The following HORMAD2 variants were observed in gnomAD, a reference collection of about 807,000 sequenced individuals.
HORMAD2 encodes the protein HORMA domain-containing protein 2.
Under a neutral mutation model 38.8 loss-of-function variants are expected in HORMAD2, and 45 were observed. The ratio of observed to expected loss-of-function variants is 1.16; its 90% CI spans 0.91 to 1.49. The LOEUF (loss-of-function observed/expected upper bound fraction) is 1.49, where lower values mean the gene tolerates loss of function less well. HORMAD2 is among the 40% of genes most tolerant of loss of function. The pLI is 0.00. For synonymous variants in HORMAD2, 126 were observed against 122.8 expected, an observed-to-expected ratio of 1.03 and a Z score of -0.17; for missense variants, 338 against 367.0, an observed-to-expected ratio of 0.92 and a Z score of 0.65.
intron 10 of HORMAD2, among the ~76,000 whole-genome samples, chr22:30,160,953 G>C (rs1421750433): frequency 6.6e-6 from 1 of 152,098 alleles, no homozygotes; most frequent in African/African-American, 2.4e-5. Context: ...TCCTCACTCT[G>C]AACACTCAAC....
At chr22:30,131,209 A>G (rs768487661) in intron 10 of HORMAD2, among the ~76,000 whole-genome samples, 1 of 152,172 alleles carries the variant, frequency 6.6e-6, no homozygotes, top group African/African-American at 2.4e-5. Flanking sequence ...AATTAACCCA[A>G]TCTCCTTAAA....
chr22:30,200,163 C>T, the HORMAD2 span, among the ~76,000 whole-genome samples: 1,070 of 152,074 alleles, frequency 7.0e-3, 16 homozygotes, highest in African/African-American at 0.024. Flanking sequence ...GAGATCCACC[C>T]GCCTAGGCCT....
chr22:30,197,350 A>G, the HORMAD2 span, among the ~76,000 whole-genome samples: 1 of 152,248 alleles, frequency 6.6e-6, no homozygotes, highest in Non-Finnish European at 1.5e-5. Flanking sequence ...CATTTGTGGC[A>G]TAAGGATAGG....
chr22:30,099,924 C>T (rs1338566262), intron 3 of HORMAD2, among the ~76,000 whole-genome samples: 1 of 151,964 alleles, frequency 6.6e-6, no homozygotes, highest in Non-Finnish European at 1.5e-5. Flanking sequence ...AAACAAAAAA[C>T]CCAAGTACCT....
intron 10 of HORMAD2, among the ~76,000 whole-genome samples, chr22:30,148,619 A>C (rs1924564786): frequency 6.6e-6 from 1 of 152,228 alleles, no homozygotes; most frequent in Non-Finnish European, 1.5e-5. Context: ...ATTGTCTCAA[A>C]TTGGAAACAA....
At chr22:30,116,569 A>G (rs1156286737) in intron 7 of HORMAD2, among the ~76,000 whole-genome samples, 1 of 152,178 alleles carries the variant, frequency 6.6e-6, no homozygotes, top group African/African-American at 2.4e-5. Flanking sequence ...GAGCAGTTCA[A>G]TGGTTCATCT....
chr22:30,181,202 C>G (rs145363735), downstream of HORMAD2, among the ~76,000 whole-genome samples: 1 of 151,582 alleles, frequency 6.6e-6, no homozygotes, highest in Admixed American at 6.6e-5. Context: ...TTTGTAGAGA[C>G]GGGGTTTTGC....
At chr22:30,128,734 TG>T (rs1028808359) in intron 10 of HORMAD2, among the ~76,000 whole-genome samples, 7 of 152,082 alleles carry the variant, frequency 4.6e-5, no homozygotes, top group African/African-American at 1.7e-4. Context: ...TTGCCTTGTG[TG>T]GGGGTGAGCT....
intron 10 of HORMAD2, among the ~76,000 whole-genome samples, chr22:30,164,135 C>A (rs532335451): frequency 2.0e-5 from 3 of 152,258 alleles, no homozygotes; most frequent in African/African-American, 7.2e-5. Context: ...GAATATCTTT[C>A]CTTTTAAAGC....
At chr22:30,185,861 T>TAA in the HORMAD2 span, among the ~76,000 whole-genome samples, 22 of 147,164 alleles carry the variant, frequency 1.5e-4, no homozygotes, top group Non-Finnish European at 2.6e-4. Context: ...CCAGTAAAAT[T>TAA]AAAAAAAAAA....
intron 10 of HORMAD2, among the ~76,000 whole-genome samples, chr22:30,144,267 G>A (rs1924271999): frequency 6.6e-6 from 1 of 152,202 alleles, no homozygotes. Flanking sequence ...GATAGTTACT[G>A]AGGTTCCAGT....
intron 5 of HORMAD2, chr22:30,105,125 G>T: frequency 6.0e-6 from 1 of 166,936 alleles, no homozygotes. Flanking sequence ...CCTCATGGTG[G>T]CCAGGACATT....
At chr22:30,197,629 C>T in the HORMAD2 span, among the ~76,000 whole-genome samples, 3 of 152,264 alleles carry the variant, frequency 2.0e-5, no homozygotes, top group East Asian at 3.9e-4. Context: ...GATACAATTA[C>T]TTTAGTCAAA....
the HORMAD2 span, among the ~76,000 whole-genome samples, chr22:30,185,531 C>T: frequency 6.6e-6 from 1 of 152,090 alleles, no homozygotes; most frequent in Non-Finnish European, 1.5e-5. Context: ...GACGATAAAC[C>T]ACCTTTCAAT....
At chr22:30,104,270 T>C in intron 4 of HORMAD2, 131 bp from the exon 5 acceptor site, 1 of 712,548 alleles carries the variant, frequency 1.4e-6, no homozygotes. Context: ...AAAAAAATGA[T>C]TAAATGGGAA....
intron 10 of HORMAD2, among the ~76,000 whole-genome samples, chr22:30,149,691 T>A (rs1209577944): frequency 6.6e-6 from 1 of 152,210 alleles, no homozygotes. Flanking sequence ...CTATTCTTGG[T>A]TTCCTCCCTC....
intron 10 of HORMAD2, among the ~76,000 whole-genome samples, chr22:30,163,984 C>T (rs1925616166): frequency 6.6e-6 from 1 of 152,106 alleles, no homozygotes; most frequent in East Asian, 1.9e-4. Context: ...TGGCAATCAT[C>T]ATTCTATTTT....
At chr22:30,096,465 G>T (rs2068783952) in intron 2 of HORMAD2, among the ~76,000 whole-genome samples, 1 of 151,006 alleles carries the variant, frequency 6.6e-6, no homozygotes, top group Non-Finnish European at 1.5e-5. Context: ...TGGGTGTGTA[G>T]TATTCTCTCA....
intron 2 of HORMAD2, among the ~76,000 whole-genome samples, chr22:30,095,812 A>G (rs2068771294): frequency 6.6e-6 from 1 of 152,218 alleles, no homozygotes; most frequent in Admixed American, 6.5e-5. Flanking sequence ...TACTGGGAGT[A>G]TATATTCATA....
Sources: allele counts gnomAD v4.1 joint callset (sites outside exome capture counted in the v4.1 genomes callset), GRCh38; gene constraint gnomAD v4.1.1; transcripts MANE v1.5; gene names NCBI Gene and HGNC (gene_info 2026-07-23, HGNC 2026-07-21).